The following IFT46 variants were observed in gnomAD, a reference collection of about 807,000 sequenced individuals.
IFT46 encodes intraflagellar transport 46.
IFT46 carries 19 observed loss-of-function variants against 39.6 expected under a neutral mutation model. The ratio of observed to expected loss-of-function variants is 0.48; its 90% CI spans 0.33 to 0.70. IFT46 has a LOEUF of 0.70. Ranked by LOEUF, IFT46 falls within the 30% of genes least tolerant of loss-of-function variation. IFT46 has a pLI of 0.01. For synonymous variants in IFT46, 117 were observed against 134.8 expected, an observed-to-expected ratio of 0.87 and a Z score of 0.91; for missense variants, 334 against 364.8, an observed-to-expected ratio of 0.92 and a Z score of 0.69.
rs752001311 is a variant in IFT46 at position 118,544,716 on chromosome 11, C to T, written c.*200G>A. Reference sequence around the variant, plus strand: ...CAGTGGTGTAGATGCATTAACTCCCCGGGGACAGCAATCTGAGGCAGGCAG... The same window carrying T: ...CAGTGGTGTAGATGCATTAACTCCCTGGGGACAGCAATCTGAGGCAGGCAG... On this transcript the variant is annotated 3_prime_UTR_variant, in exon 12 of 12. Coordinates refer to ENST00000264021, the MANE Select transcript of IFT46 (RefSeq NM_001168618.2). 27 of 570,728 alleles carry T rather than the reference C, an allele frequency of 4.7e-5. No individual in the cohort carries two copies. Among genetic ancestry groups the T allele is most frequent in the African/African-American group, 1.1e-4 (6 of 53,012 alleles). 35.4% of individuals were successfully genotyped at this position (570,728 alleles called of 1,614,324 possible).
Position 118,559,865 on chromosome 11 carries a change from C to A in IFT46, c.-35-1G>T. 1 of 1,581,810 alleles carries A rather than the reference C, an allele frequency of 6.3e-7. No individual in the cohort carries two copies. The highest frequency in any genetic ancestry group is 2.2e-5 in the East Asian group (1 of 44,696). The stretch of plus-strand genomic sequence containing the variant: ...GGAAGATGGGCAGAACGAGGAAGTC[C>A]TTAGAAAAAAAGTTTTTCCTTTAGA... On this transcript the variant is annotated splice_acceptor_variant, in intron 2 of 11. Coordinates refer to ENST00000264021, the MANE Select transcript of IFT46 (RefSeq NM_001168618.2). LOFTEE classifies it low-confidence loss of function (5UTR_SPLICE).
intron 6 of IFT46, 86 bp from the exon 7 acceptor site, chr11:118,554,673 T>C (rs899601624): frequency 1.4e-6 from 2 of 1,398,070 alleles, no homozygotes; most frequent in African/African-American, 1.4e-5. Context: ...TCATTATTAC[T>C]AGTATTAAAA....
chr11:118,546,475 G>A (rs1372311241), intron 9 of IFT46: 1 of 250,932 alleles, frequency 4.0e-6, no homozygotes, highest in Non-Finnish European at 7.7e-6. Context: ...TGGGCATAGA[G>A]TAATACCCTG....
chr11:118,565,346 C>T (rs1938188039), intron 1 of IFT46, among the ~76,000 whole-genome samples: 1 of 151,058 alleles, frequency 6.6e-6, no homozygotes, highest in Admixed American at 6.6e-5. Flanking sequence ...CAAAGCTGTA[C>T]GACCACGCGC....
Position 118,544,824 on chromosome 11 carries a change from G to T in IFT46, c.*92C>A. On this transcript the variant is annotated 3_prime_UTR_variant, in exon 12 of 12. Coordinates refer to ENST00000264021, the MANE Select transcript of IFT46 (RefSeq NM_001168618.2). Reference sequence around the variant, plus strand: ...TGCCCCTGAGCCAAGCTGTGGCATGGGCAAGGACATCAAGTAGCTGACAAC... The same window carrying T: ...TGCCCCTGAGCCAAGCTGTGGCATGTGCAAGGACATCAAGTAGCTGACAAC... 1 of 890,078 alleles carries T rather than the reference G, an allele frequency of 1.1e-6. No homozygotes were observed. The allele number at this position is 890,078 out of a possible 1,614,324, so 55.1% of individuals were successfully genotyped here.
chr11:118,550,188 C>T (rs931920948), intron 9 of IFT46, among the ~76,000 whole-genome samples: 6 of 152,138 alleles, frequency 3.9e-5, no homozygotes, highest in Non-Finnish European at 7.3e-5. Flanking sequence ...CTACCTGCCT[C>T]GGCCTCCCAA....
intron 9 of IFT46, among the ~76,000 whole-genome samples, chr11:118,549,326 G>A (rs1242556251): frequency 1.3e-5 from 2 of 151,404 alleles, no homozygotes; most frequent in Non-Finnish European, 2.9e-5. Flanking sequence ...ACAGGTATGA[G>A]CTACCGTGCC....
intron 9 of IFT46, among the ~76,000 whole-genome samples, chr11:118,547,559 C>T (rs1251797146): frequency 6.6e-6 from 1 of 151,788 alleles, no homozygotes; most frequent in Non-Finnish European, 1.5e-5. Context: ...GCTGGGATTA[C>T]AGATGTGCGC....
chr11:118,560,444 AGGGAGGGGAG>A (rs1221242909), intron 2 of IFT46: 82 of 64,678 alleles, frequency 1.3e-3, no homozygotes, highest in African/African-American at 9.9e-3. Flanking sequence ...TGGGAGGGGA[AGGGAGGGGAG>A]GGGAGGGGAG....
chr11:118,555,899 G>A (rs1161048302), intron 4 of IFT46, among the ~76,000 whole-genome samples: 1 of 151,260 alleles, frequency 6.6e-6, no homozygotes, highest in South Asian at 2.1e-4. Context: ...CTCCAGCCTG[G>A]GTGACAAAGC....
At chr11:118,560,828 C>A in intron 2 of IFT46, 2 of 752,314 alleles carry the variant, frequency 2.7e-6, no homozygotes, top group Non-Finnish European at 4.9e-6. Flanking sequence ...ATACAACACA[C>A]CCAAATATAA....
upstream of IFT46, among the ~76,000 whole-genome samples, chr11:118,567,132 T>C (rs945184466): frequency 1.3e-5 from 2 of 151,524 alleles, no homozygotes; most frequent in Non-Finnish European, 1.5e-5. Flanking sequence ...CACGCACCTA[T>C]AGTGCTAGCC....
intron 9 of IFT46, among the ~76,000 whole-genome samples, chr11:118,551,497 G>T (rs565923091): frequency 6.6e-6 from 1 of 151,852 alleles, no homozygotes; most frequent in African/African-American, 2.4e-5. Flanking sequence ...AACAAAGCAA[G>T]ACCTCGTCTC....
chr11:118,569,330 T>G (rs1289810150), upstream of IFT46, among the ~76,000 whole-genome samples: 4 of 151,456 alleles, frequency 2.6e-5, no homozygotes, highest in Admixed American at 2.0e-4. Flanking sequence ...CAGTGGCTCA[T>G]TCCTGCAATC....
intron 9 of IFT46, chr11:118,546,932 T>A (rs1951700748): frequency 3.3e-5 from 5 of 152,148 alleles, no homozygotes; most frequent in Admixed American, 3.3e-4. Flanking sequence ...TTCTTAAAAC[T>A]TTTCTCTTTT....
upstream of IFT46, among the ~76,000 whole-genome samples, chr11:118,570,046 T>A (rs554550761): frequency 6.4e-3 from 807 of 125,148 alleles, 10 homozygotes; most frequent in African/African-American, 0.023. Context: ...CACGCCCAGC[T>A]TTTTTTTTTT....
rs782123660 is a variant in IFT46, at chr11:118,544,978, A to C, written c.853T>G (p.Phe285Val). Reference protein sequence around the residue: ...FKALAEGKKAFTPSSNSTSQA... With the variant: ...FKALAEGKKAVTPSSNSTSQA... ...GAGGTGGAATTGGATGAAGGAGTGAATGCTTTCTTGCCTTCAGCGAGAGCT... is the reference window on the plus strand; with the variant it reads ...GAGGTGGAATTGGATGAAGGAGTGACTGCTTTCTTGCCTTCAGCGAGAGCT... Residue 285 changes from phenylalanine to valine, a missense_variant, in exon 12 of 12, where the codon TTC becomes GTC. Physicochemically the swap from Phe to Val is conservative, Grantham distance 50. Transcript: ENST00000264021. 1 of 1,613,732 alleles carries C rather than the reference A, an allele frequency of 6.2e-7. No individual in the cohort carries two copies. The highest frequency in any genetic ancestry group is 8.5e-7 in the Non-Finnish European group (1 of 1,179,794).
chr11:118,569,441 T>C (rs1555072059), upstream of IFT46, among the ~76,000 whole-genome samples: 1 of 152,012 alleles, frequency 6.6e-6, no homozygotes, highest in Admixed American at 6.6e-5. Flanking sequence ...AAAAAAGTTT[T>C]TTTAATGAAA....
intron 9 of IFT46, among the ~76,000 whole-genome samples, chr11:118,551,373 A>G (rs1951798926): frequency 6.6e-6 from 1 of 151,552 alleles, no homozygotes; most frequent in Non-Finnish European, 1.5e-5. Context: ...ACTCCATCTC[A>G]ACAAAAAAAA....
Sources: allele counts gnomAD v4.1 joint callset (sites outside exome capture counted in the v4.1 genomes callset), GRCh38; gene constraint gnomAD v4.1.1; transcripts MANE v1.5; gene names NCBI Gene and HGNC (gene_info 2026-07-23, HGNC 2026-07-21).